ZNF248: variants seen among roughly 807,000 people sequenced by gnomAD.
ZNF248 encodes zinc finger protein 248.
A neutral mutation model predicts 44.3 loss-of-function variants in ZNF248; 20 were observed. That is an observed-to-expected ratio of 0.45 (90% CI 0.32 to 0.66). The LOEUF is 0.66. Ranked by LOEUF, ZNF248 falls within the 30% of genes least tolerant of loss-of-function variation. The pLI is 0.04. For missense variants in ZNF248, 654 were observed against 677.0 expected (o/e 0.97, Z 0.38); for synonymous variants, 224 against 229.0 (o/e 0.98, Z 0.20).
intron 6 of ZNF248, chr10:37,791,882 T>C (rs569205186): frequency 6.6e-6 from 1 of 152,288 alleles, no homozygotes; most frequent in Non-Finnish European, 1.5e-5. Flanking sequence ...ATGCCTTACA[T>C]AGACCACATA....
intron 6 of ZNF248, among the ~76,000 whole-genome samples, chr10:37,778,855 A>G (rs1433884183): frequency 4.6e-5 from 7 of 152,228 alleles, no homozygotes; most frequent in Non-Finnish European, 8.8e-5. Flanking sequence ...CCACAGAAAT[A>G]CAAACTACCA....
At chr10:37,820,328 G>T in intron 6 of ZNF248, 1 of 1,393,748 alleles carries the variant, frequency 7.2e-7, no homozygotes, top group Non-Finnish European at 1.0e-6. Flanking sequence ...CAGAAGTGAA[G>T]CACAGGCCAG....
the ZNF248 span, among the ~76,000 whole-genome samples, chr10:37,764,234 A>G: frequency 1.1e-4 from 16 of 152,150 alleles, no homozygotes; most frequent in Non-Finnish European, 2.1e-4. Flanking sequence ...TCTGTCTTTC[A>G]TGGTTGAAGA....
downstream of ZNF248, among the ~76,000 whole-genome samples, chr10:37,771,712 CATGT>C (rs1158861202): frequency 6.6e-6 from 1 of 151,980 alleles, no homozygotes; most frequent in African/African-American, 2.4e-5. Context: ...CAACATGGCA[CATGT>C]ATACATATGT....
chr10:37,775,935 C>G (rs1019856265), downstream of ZNF248, among the ~76,000 whole-genome samples: 1 of 152,174 alleles, frequency 6.6e-6, no homozygotes, highest in Non-Finnish European at 1.5e-5. Context: ...TATTCCTGCT[C>G]TGCCATTTAC....
intron 6 of ZNF248, among the ~76,000 whole-genome samples, chr10:37,793,953 T>C (rs2048849203): frequency 6.6e-6 from 1 of 152,184 alleles, no homozygotes; most frequent in Non-Finnish European, 1.5e-5. Flanking sequence ...TCTTGTCAAA[T>C]GTTAATACCA....
chr10:37,822,916 T>G (rs1471973642), intron 6 of ZNF248, among the ~76,000 whole-genome samples: 1 of 152,096 alleles, frequency 6.6e-6, no homozygotes, highest in Non-Finnish European at 1.5e-5. Context: ...TACCTAGAAT[T>G]AATGTGCGGT....
Position 37,820,293 on chromosome 10 carries a change from G to A in ZNF248, c.330+12732C>T, listed in dbSNP as rs113903825. The A allele has an allele frequency of 5.8e-6, 8 of 1,385,888 alleles. No homozygotes were observed. The African/African-American group carries it at 7.1e-5, about 12-fold the overall frequency. The allele number at this position is 1,385,888 out of a possible 1,614,324, so 85.8% of individuals were successfully genotyped here. On this transcript the variant is annotated intron_variant, in intron 6 of 6. Coordinates refer to the ZNF248 transcript ENST00000615949. The stretch of plus-strand genomic sequence containing the variant: ...CTCTGTGTTGCCAGATCTCATAGAT[G>A]AGGGACTGTTTTGCTGAGCTGAAAC...
intron 6 of ZNF248, chr10:37,820,885 T>G: frequency 7.4e-7 from 1 of 1,344,518 alleles, no homozygotes; most frequent in Non-Finnish European, 1.1e-6. Flanking sequence ...TTATTGTTTT[T>G]TCCTCTTCTA....
intron 6 of ZNF248, chr10:37,819,269 T>A: frequency 5.5e-6 from 5 of 906,378 alleles, no homozygotes; most frequent in Admixed American, 5.1e-5. Context: ...GAAGTTTAGA[T>A]CATTTCCCTC....
intron 6 of ZNF248, among the ~76,000 whole-genome samples, chr10:37,790,579 G>A (rs1048873581): frequency 2.0e-5 from 3 of 150,728 alleles, no homozygotes; most frequent in Non-Finnish European, 3.0e-5. Context: ...GCGTAGTGGC[G>A]CACGCCTGTA....
At chr10:37,823,408 C>T (rs956392008) in intron 6 of ZNF248, among the ~76,000 whole-genome samples, 3 of 129,180 alleles carry the variant, frequency 2.3e-5, no homozygotes, top group East Asian at 2.3e-4. Flanking sequence ...AAAAATGAAA[C>T]GTATTATGTC....
At chr10:37,847,326 G>A (rs1427056466) in intron 3 of ZNF248, among the ~76,000 whole-genome samples, 3 of 152,124 alleles carry the variant, frequency 2.0e-5, no homozygotes, top group African/African-American at 7.2e-5. Flanking sequence ...TGTGGCTATA[G>A]TTCCTCACCA....
chr10:37,827,629 T>C (rs567775011), downstream of ZNF248, among the ~76,000 whole-genome samples: 11 of 152,264 alleles, frequency 7.2e-5, no homozygotes, highest in African/African-American at 2.6e-4. Context: ...CAGTGTCCAG[T>C]CACTGGACGA....
At position 37,832,565 on chromosome 10, in the gene ZNF248, G is replaced by A. The variant is rs2056076798; in HGVS notation, c.790C>T (p.His264Tyr). Residue 264 changes from histidine to tyrosine, a missense_variant, in exon 6 of 6, where the codon CAT becomes TAT. Transcript: ENST00000395867. ...SLKLNISQRPHLEMEPYGCSI... is the reference protein window; with the variant it reads ...SLKLNISQRPYLEMEPYGCSI... ...CATCCATACGGCTCCATTTCCAAAT[G>A]AGGTCTTTGAGATATATTCAGCTTT... 4 of 1,613,698 alleles carry A rather than the reference G, an allele frequency of 2.5e-6. No individual in the cohort carries two copies. The South Asian group carries it at 4.4e-5, about 18-fold the overall frequency.
At chr10:37,802,931 G>C (rs561443910) in intron 6 of ZNF248, 1 of 152,358 alleles carries the variant, frequency 6.6e-6, no homozygotes, top group African/African-American at 2.4e-5. Context: ...TGAAGCTCAA[G>C]TAATCCTCCA....
At chr10:37,784,193 A>G (rs2047619930) in intron 6 of ZNF248, 3 of 152,286 alleles carry the variant, frequency 2.0e-5, no homozygotes, top group Non-Finnish European at 4.4e-5. Context: ...GAATGTTTAG[A>G]GTATAATCTG....
intron 6 of ZNF248, among the ~76,000 whole-genome samples, chr10:37,802,071 C>T (rs996171801): frequency 6.6e-6 from 1 of 152,200 alleles, no homozygotes; most frequent in African/African-American, 2.4e-5. Context: ...ACTGACTTTG[C>T]TCAGTTACTG....
downstream of ZNF248, chr10:37,775,527 T>C (rs1402250675): frequency 6.6e-6 from 1 of 152,178 alleles, no homozygotes; most frequent in Non-Finnish European, 1.5e-5. Flanking sequence ...AAAAGTTTCT[T>C]TGGCCCTTGA....
Sources: gnomAD v4.1 joint callset for allele counts (sites outside exome capture counted in the v4.1 genomes callset) on GRCh38, gnomAD v4.1.1 for gene constraint, MANE v1.5 for transcripts, NCBI Gene and HGNC (gene_info 2026-07-23, HGNC 2026-07-21) for gene names.